THSD7B: variants seen among roughly 807,000 people sequenced by gnomAD.
THSD7B encodes the protein thrombospondin type 1 domain containing 7B.
A neutral mutation model predicts 213.6 loss-of-function variants in THSD7B; 138 were observed. The ratio of observed to expected loss-of-function variants is 0.65; its 90% confidence interval spans 0.56 to 0.74. The LOEUF (loss-of-function observed/expected upper bound fraction) is 0.74, where lower values mean the gene tolerates loss of function less well. Ranked by LOEUF, THSD7B falls within the 30% of genes least tolerant of loss-of-function variation. THSD7B has a pLI of 0.00. For synonymous variants in THSD7B, 742 were observed against 687.0 expected (o/e 1.08, Z -1.25); for missense variants, 1,931 against 1,991.5 (o/e 0.97, Z 0.58).
intron 12 of THSD7B, among the ~76,000 whole-genome samples, chr2:137,400,122 G>C (rs1297407116): frequency 6.6e-6 from 1 of 151,564 alleles, no homozygotes; most frequent in Non-Finnish European, 1.5e-5. Context: ...TTTTGTCTTA[G>C]TTTTTGTCAT....
intron 12 of THSD7B, among the ~76,000 whole-genome samples, chr2:137,397,355 G>A (rs1686219958): frequency 6.6e-6 from 1 of 151,936 alleles, no homozygotes; most frequent in Non-Finnish European, 1.5e-5. Context: ...TTTAGGGCAG[G>A]CCTGGTGGTG....
intron 2 of THSD7B, among the ~76,000 whole-genome samples, chr2:136,946,454 G>A (rs1172091332): frequency 6.6e-6 from 1 of 152,200 alleles, no homozygotes; most frequent in Non-Finnish European, 1.5e-5. Context: ...CCCACTTGAG[G>A]AGGCGGTCTC....
rs940325843 is a variant in THSD7B at position 137,056,619 on chromosome 2, C to T, written c.339C>T (p.His113=). 6 of 1,613,986 alleles carry T rather than the reference C, an allele frequency of 3.7e-6. No homozygotes were observed. The highest frequency in any genetic ancestry group is 5.1e-6 in the Non-Finnish European group (6 of 1,179,896). ...LFQWEVSDWH[H]CVLVPYARGE... ...AGTGGGAGGTTTCTGACTGGCACCA[C>T]TGTGTGCTTGTTCCTTACGCTCGCG... Residue 113 remains histidine, a synonymous_variant, in exon 3 of 28, where the codon CAC becomes CAT. Transcript: ENST00000409968.
chr2:136,886,426 G>A (rs1004527512), intron 2 of THSD7B, among the ~76,000 whole-genome samples: 1 of 152,084 alleles, frequency 6.6e-6, no homozygotes, highest in Non-Finnish European at 1.5e-5. Context: ...TGGCAGTGGA[G>A]GTGCGGAGAA....
intron 1 of THSD7B, among the ~76,000 whole-genome samples, chr2:136,862,423 G>A (rs1476476486): frequency 6.6e-6 from 1 of 152,126 alleles, no homozygotes; most frequent in Non-Finnish European, 1.5e-5. Flanking sequence ...TACCTGCCAG[G>A]TTACCTTTTC....
At chr2:137,301,602 T>C (rs1269812009) in intron 12 of THSD7B, among the ~76,000 whole-genome samples, 1 of 151,670 alleles carries the variant, frequency 6.6e-6, no homozygotes, top group Non-Finnish European at 1.5e-5. Context: ...ATATATTTTA[T>C]TTAAAATATT....
chr2:137,616,063 A>T, intron 17 of THSD7B, 112 bp from the exon 18 acceptor site: 2 of 1,088,594 alleles, frequency 1.8e-6, no homozygotes, highest in Non-Finnish European at 2.6e-6. Context: ...TTAACCCTCT[A>T]GATAATCTAT....
chr2:137,318,929 CA>C (rs1173964754), intron 12 of THSD7B, among the ~76,000 whole-genome samples: 1 of 151,078 alleles, frequency 6.6e-6, no homozygotes, highest in Non-Finnish European at 1.5e-5. Context: ...CAAGTAGCCA[CA>C]GGCACCCGCT....
intron 2 of THSD7B, among the ~76,000 whole-genome samples, chr2:137,046,527 C>T (rs142722380): frequency 2.0e-3 from 311 of 152,000 alleles, no homozygotes; most frequent in African/African-American, 7.3e-3. Flanking sequence ...GTCGGGAGTT[C>T]GAGAGCAGCC....
At chr2:137,249,270 A>G (rs72847104) in intron 10 of THSD7B, among the ~76,000 whole-genome samples, 14,730 of 151,886 alleles carry the variant, frequency 0.097, 837 homozygotes, top group Non-Finnish European at 0.13. Flanking sequence ...TAATTATGGG[A>G]TCTTCTGCCT....
chr2:137,083,334 C>T (rs1687781420), intron 3 of THSD7B, among the ~76,000 whole-genome samples: 1 of 152,034 alleles, frequency 6.6e-6, no homozygotes, highest in Admixed American at 6.6e-5. Flanking sequence ...TCTCAGTGAT[C>T]CTTTATATTT....
intron 19 of THSD7B, among the ~76,000 whole-genome samples, chr2:137,620,295 G>T (rs933097494): frequency 6.6e-6 from 1 of 152,202 alleles, no homozygotes; most frequent in African/African-American, 2.4e-5. Flanking sequence ...TGGCGTTGAA[G>T]TGTCTTTCTG....
chr2:136,952,219 C>A (rs995428365), intron 2 of THSD7B, among the ~76,000 whole-genome samples: 10 of 151,874 alleles, frequency 6.6e-5, no homozygotes, highest in Admixed American at 4.6e-4. Context: ...CCCCACCCCC[C>A]CAAAAAAGCA....
chr2:136,856,464 G>A (rs1249169017), intron 1 of THSD7B, among the ~76,000 whole-genome samples: 1 of 151,450 alleles, frequency 6.6e-6, no homozygotes, highest in Non-Finnish European at 1.5e-5. Flanking sequence ...CTTGAACTTA[G>A]GTCAATTTAC....
At chr2:137,499,007 A>G (rs1023152504) in intron 15 of THSD7B, among the ~76,000 whole-genome samples, 1 of 152,148 alleles carries the variant, frequency 6.6e-6, no homozygotes, top group Non-Finnish European at 1.5e-5. Flanking sequence ...GCAAGGAGGT[A>G]CAGGATCTCC....
chr2:137,547,451 GTGTA>G (rs1465797634), intron 15 of THSD7B, among the ~76,000 whole-genome samples: 1 of 151,962 alleles, frequency 6.6e-6, no homozygotes, highest in Non-Finnish European at 1.5e-5. Flanking sequence ...CACTGTGTGT[GTGTA>G]TGTGTGTGTA....
intron 1 of THSD7B, among the ~76,000 whole-genome samples, chr2:136,839,400 A>T (rs1425504542): frequency 2.0e-5 from 3 of 152,224 alleles, no homozygotes; most frequent in Non-Finnish European, 4.4e-5. Context: ...CTTATAGTAA[A>T]ACTCTGTGAT....
intron 7 of THSD7B, among the ~76,000 whole-genome samples, chr2:137,189,680 A>G (rs1680619524): frequency 6.6e-6 from 1 of 151,746 alleles, no homozygotes; most frequent in Non-Finnish European, 1.5e-5. Flanking sequence ...CATGCTCTGC[A>G]TTGCATGTTT....
At chr2:137,503,467 GAGAA>G (rs71908204) in intron 15 of THSD7B, among the ~76,000 whole-genome samples, 4,354 of 152,202 alleles carry the variant, frequency 0.029, 209 homozygotes, top group African/African-American at 0.099. Context: ...ACAGAGACAT[GAGAA>G]AGAATTTTGA....
Sources: allele counts gnomAD v4.1 joint callset (sites outside exome capture counted in the v4.1 genomes callset), GRCh38; gene constraint gnomAD v4.1.1; transcripts MANE v1.5; gene names NCBI Gene and HGNC (gene_info 2026-07-23, HGNC 2026-07-21).